Variants in CEP70 observed in about 807,000 individuals in gnomAD.
CEP70 encodes centrosomal protein 70.
A neutral mutation model predicts 90.9 loss-of-function variants in CEP70; 70 were observed. That is an observed-to-expected ratio of 0.77 (90% confidence interval 0.64 to 0.94). The LOEUF (loss-of-function observed/expected upper bound fraction) is 0.94. Among genes scored for constraint, CEP70 ranks in the 40% least tolerant of loss-of-function variants. The pLI, the probability that CEP70 is intolerant of heterozygous loss-of-function variation, is 0.00. For synonymous variants in CEP70, 220 were observed against 228.3 expected (o/e 0.96, Z 0.33); for missense variants, 648 against 669.0 (o/e 0.97, Z 0.35).
intron 6 of CEP70, among the ~76,000 whole-genome samples, chr3:138,547,687 C>G (rs1028246429): frequency 6.6e-6 from 1 of 152,050 alleles, no homozygotes; most frequent in Non-Finnish European, 1.5e-5. Flanking sequence ...TAAGGGTTAC[C>G]TGAAAATAAG....
At chr3:138,527,739 G>C (rs1225213999) in intron 10 of CEP70, among the ~76,000 whole-genome samples, 2 of 150,696 alleles carry the variant, frequency 1.3e-5, no homozygotes, top group Non-Finnish European at 3.0e-5. Flanking sequence ...ATTATTTGTA[G>C]AGATGAGGTC....
intron 6 of CEP70, 67 bp from the exon 7 acceptor site, chr3:138,537,414 T>C: frequency 9.3e-7 from 1 of 1,073,666 alleles, no homozygotes; most frequent in Non-Finnish European, 1.3e-6. Context: ...CTAACAGTAT[T>C]GTACACAAAG....
chr3:138,561,431 G>A (rs2040398629), intron 6 of CEP70, among the ~76,000 whole-genome samples: 2 of 152,110 alleles, frequency 1.3e-5, no homozygotes, highest in South Asian at 4.1e-4. Context: ...CTACGAAGAT[G>A]GGGAGAAACC....
At chr3:138,585,311 A>C (rs777181209) in intron 2 of CEP70, among the ~76,000 whole-genome samples, 4 of 152,230 alleles carry the variant, frequency 2.6e-5, no homozygotes, top group Non-Finnish European at 4.4e-5. Context: ...AAAGAAAATT[A>C]AACACCTAGG....
intron 6 of CEP70, among the ~76,000 whole-genome samples, chr3:138,562,644 C>A (rs2108063150): frequency 6.6e-6 from 1 of 152,288 alleles, no homozygotes; most frequent in East Asian, 1.9e-4. Context: ...CCTTTACAGA[C>A]AAACAAATGC....
intron 11 of CEP70, 35 bp downstream of exon 11, chr3:138,525,455 A>C (rs984901296): frequency 7.1e-6 from 6 of 844,632 alleles, no homozygotes; most frequent in African/African-American, 1.8e-5. Context: ...AAAAAATCCT[A>C]ATAAAAGAGG....
chr3:138,556,979 T>C (rs1239187748), intron 6 of CEP70, among the ~76,000 whole-genome samples: 1 of 152,090 alleles, frequency 6.6e-6, no homozygotes, highest in Non-Finnish European at 1.5e-5. Context: ...TGGCGGGAAT[T>C]TCCTCGTCCT....
intron 11 of CEP70, among the ~76,000 whole-genome samples, chr3:138,519,675 G>A (rs2036415848): frequency 6.6e-6 from 1 of 152,178 alleles, no homozygotes; most frequent in African/African-American, 2.4e-5. Flanking sequence ...AAGAGCTCCT[G>A]AAGGAAGCAA....
intron 6 of CEP70, among the ~76,000 whole-genome samples, chr3:138,546,926 G>A (rs1158896770): frequency 1.3e-5 from 2 of 152,118 alleles, no homozygotes; most frequent in African/African-American, 4.8e-5. Flanking sequence ...TGCCCATGGT[G>A]TAATGTTTGC....
chr3:138,554,018 G>C lies in CEP70; in HGVS notation c.465+16300C>G, dbSNP rs114034196. Among the ~76,000 whole-genome samples the C allele has an allele frequency of 2.9e-3, 447 of 151,888 alleles. 1 individual carries two copies. Among genetic ancestry groups the C allele is most frequent in the South Asian group, 6.5e-3 (31 of 4,792 alleles). ...TCAAGACTAGCCTGGCCAACATGGT[G>C]AATGAAACCCTGTCTCTACTAAAAA... On this transcript the variant is annotated intron_variant, in intron 6 of 17. Transcript: ENST00000264982.
chr3:138,519,276 G>A (rs1378264666), intron 11 of CEP70, among the ~76,000 whole-genome samples: 2 of 152,106 alleles, frequency 1.3e-5, no homozygotes, highest in East Asian at 3.8e-4. Flanking sequence ...TTATCCAGGA[G>A]AACTTCCCCA....
chr3:138,576,229 T>A (rs181608341), intron 2 of CEP70, among the ~76,000 whole-genome samples: 1 of 152,190 alleles, frequency 6.6e-6, no homozygotes, highest in Admixed American at 6.5e-5. Context: ...GAGACACACA[T>A]AGGCTCAAAA....
At chr3:138,559,625 T>G (rs2040254857) in intron 6 of CEP70, among the ~76,000 whole-genome samples, 1 of 152,062 alleles carries the variant, frequency 6.6e-6, no homozygotes, top group Non-Finnish European at 1.5e-5. Context: ...CTCAGGTGAC[T>G]GAGGTGGGAG....
chr3:138,543,835 C>T (rs2038955598), intron 6 of CEP70, among the ~76,000 whole-genome samples: 1 of 152,064 alleles, frequency 6.6e-6, no homozygotes, highest in African/African-American at 2.4e-5. Flanking sequence ...CAAAAAGCTC[C>T]CCCTCAAAAT....
chr3:138,527,042 T>G (rs2037323284), intron 10 of CEP70, among the ~76,000 whole-genome samples: 1 of 152,156 alleles, frequency 6.6e-6, no homozygotes, highest in Non-Finnish European at 1.5e-5. Flanking sequence ...ATAGCTCCAC[T>G]TATAAGAAGT....
intron 10 of CEP70, 85 bp downstream of exon 10, chr3:138,529,101 GGCTGCGGTGAGAC>G (rs2037560682): frequency 3.0e-6 from 2 of 673,054 alleles, no homozygotes; most frequent in Non-Finnish European, 5.0e-6. Flanking sequence ...TGGAGGTCAA[GGCTGCGGTGAGAC>G]GTGATCACAC....
chr3:138,507,701 G>A (rs999704020), intron 12 of CEP70, among the ~76,000 whole-genome samples: 26 of 152,140 alleles, frequency 1.7e-4, no homozygotes, highest in Admixed American at 9.8e-4. Flanking sequence ...GTATAAATGA[G>A]TGACGTAAGG....
At chr3:138,562,048 C>T (rs1038432902) in intron 6 of CEP70, among the ~76,000 whole-genome samples, 1 of 149,008 alleles carries the variant, frequency 6.7e-6, no homozygotes, top group South Asian at 2.1e-4. Context: ...AGAAGAACTT[C>T]GTGAAGCATA....
At chr3:138,524,583 C>T (rs1036275270) in intron 11 of CEP70, among the ~76,000 whole-genome samples, 12 of 152,196 alleles carry the variant, frequency 7.9e-5, no homozygotes, top group Admixed American at 6.5e-4. Flanking sequence ...ACCAAACAAC[C>T]CCATCAACAA....
Sources: allele counts gnomAD v4.1 joint callset (sites outside exome capture counted in the v4.1 genomes callset), GRCh38; gene constraint gnomAD v4.1.1; transcripts MANE v1.5; gene names NCBI Gene and HGNC (gene_info 2026-07-23, HGNC 2026-07-21).